Variants in EDA observed in about 807,000 individuals in gnomAD.
The protein encoded by EDA is ectodysplasin-A.
A neutral mutation model predicts 23.6 loss-of-function variants in EDA; 2 were observed. The observed-to-expected ratio is 0.08, with a 90% CI of 0.03 to 0.27. The LOEUF is 0.27. Among genes scored for constraint, EDA ranks in the 10% least tolerant of loss-of-function variants. EDA has a pLI of 1.00. For missense variants in EDA, 229 were observed against 324.2 expected (o/e 0.71, Z 2.26); for synonymous variants, 131 against 132.0 (o/e 0.99, Z 0.05).
chrX:69,628,941 C>G (rs138416200), intron 1 of EDA, among the ~76,000 whole-genome samples: 6,676 of 111,134 alleles, frequency 0.06, 204 homozygotes, highest in Middle Eastern at 0.097. Context: ...TTACCTCACT[C>G]CTACAGTGGT....
At chrX:69,862,159 C>T (rs781172626) in intron 1 of EDA, among the ~76,000 whole-genome samples, 3 of 111,095 alleles carry the variant, frequency 2.7e-5, no homozygotes, top group Non-Finnish European at 3.8e-5. Flanking sequence ...CAAAATGGCT[C>T]ACTCACATAG....
rs1192892833 is a variant in EDA at position 69,888,977 on chromosome X, GTTATATATATATAT to G, written c.397-68049_397-68036del. Among the ~76,000 whole-genome samples, 12 of 13,247 alleles carry G rather than the reference GTTATATATATATAT, an allele frequency of 9.1e-4. 1 individual carries two copies. The highest frequency in any genetic ancestry group is 3.3e-3 in the South Asian group (1 of 304). The allele number at this position is 13,247 out of a possible 115,157, so 11.5% of individuals were successfully genotyped here. On this transcript the variant is annotated intron_variant, in intron 1 of 7. Coordinates refer to ENST00000374552, the MANE Select transcript of EDA (RefSeq NM_001399.5). ...AGTGGAATTGTTGTATTGTGGGGTA[GTTATATATATATAT>G]ATATATATATATATATATATATATA...
chrX:69,942,289 C>A (rs947692037), intron 1 of EDA, among the ~76,000 whole-genome samples: 3 of 110,614 alleles, frequency 2.7e-5, no homozygotes, highest in Non-Finnish European at 3.8e-5. Context: ...CAGTGAGTTT[C>A]GTATGTGCAG....
rs775748092 is a variant in EDA at position 69,861,897 on chromosome X, A to T, written c.397-95130A>T. Among the ~76,000 whole-genome samples the T allele has an allele frequency of 4.5e-5, 5 of 112,176 alleles. No homozygotes were observed. The East Asian group carries it at 1.4e-3, about 31-fold the overall frequency. On this transcript the variant is annotated intron_variant, in intron 1 of 7. Coordinates refer to ENST00000374552, the MANE Select transcript of EDA (RefSeq NM_001399.5). ...AGGAGAAGAAACTTCAATTCATGAG[A>T]CAGTTTAATACATATTGAAGAGAAT... is the stretch of plus-strand genomic sequence containing the variant.
intron 1 of EDA, among the ~76,000 whole-genome samples, chrX:69,796,269 C>T (rs1020708714): frequency 5.8e-5 from 6 of 103,096 alleles, no homozygotes; most frequent in Non-Finnish European, 9.9e-5. Flanking sequence ...CATCTGGAGA[C>T]CCAAGAATTG....
At chrX:69,909,218 C>T (rs2018221970) in intron 1 of EDA, among the ~76,000 whole-genome samples, 1 of 111,808 alleles carries the variant, frequency 8.9e-6, no homozygotes, top group Admixed American at 9.5e-5. Context: ...ATTAGTAATA[C>T]ACCTGTAGTG....
At chrX:69,759,954 G>T (rs748450301) in intron 1 of EDA, among the ~76,000 whole-genome samples, 3 of 109,471 alleles carry the variant, frequency 2.7e-5, no homozygotes, top group Non-Finnish European at 5.7e-5. Flanking sequence ...GAAGAGGACT[G>T]AGAGAGAGGG....
chrX:69,628,284 A>G (rs1333875546), intron 1 of EDA, among the ~76,000 whole-genome samples: 1 of 111,724 alleles, frequency 9.0e-6, no homozygotes, highest in Non-Finnish European at 1.9e-5. Flanking sequence ...CACTTTTGCT[A>G]TGTAGTCTAA....
chrX:69,768,228 G>T (rs1052711593), intron 1 of EDA, among the ~76,000 whole-genome samples: 2 of 111,213 alleles, frequency 1.8e-5, no homozygotes, highest in Non-Finnish European at 3.8e-5. Context: ...TTCCCCTTTT[G>T]TAATTTCTGG....
At chrX:69,827,654 C>T (rs2016487590) in intron 1 of EDA, among the ~76,000 whole-genome samples, 1 of 111,615 alleles carries the variant, frequency 9.0e-6, no homozygotes, top group African/African-American at 3.3e-5. Flanking sequence ...AATTTCCTCC[C>T]GTAGCTTGGA....
At chrX:69,858,964 G>A (rs903059121) in intron 1 of EDA, among the ~76,000 whole-genome samples, 11 of 111,429 alleles carry the variant, frequency 9.9e-5, no homozygotes, top group African/African-American at 3.6e-4. Context: ...TCTTGGGAAG[G>A]TATGTGTGTC....
At chrX:69,754,766 C>CT (rs1426899445) in intron 1 of EDA, among the ~76,000 whole-genome samples, 4 of 111,434 alleles carry the variant, frequency 3.6e-5, no homozygotes, top group Non-Finnish European at 7.5e-5. Context: ...TCTTTTTACT[C>CT]TTTTTTCTCT....
At chrX:69,682,427 C>A (rs999466201) in intron 1 of EDA, among the ~76,000 whole-genome samples, 3 of 112,324 alleles carry the variant, frequency 2.7e-5, no homozygotes, top group African/African-American at 3.2e-5. Flanking sequence ...AGCCTCGCTG[C>A]CACCTTGCAG....
At chrX:69,956,990 G>C in intron 1 of EDA, 37 bp from the exon 2 acceptor site, 2 of 1,151,462 alleles carry the variant, frequency 1.7e-6, no homozygotes, top group Non-Finnish European at 2.4e-6. Context: ...GACTGAGTGG[G>C]GTCAACCTTT....
At chrX:69,889,345 T>C (rs1013353426) in intron 1 of EDA, among the ~76,000 whole-genome samples, 1 of 109,735 alleles carries the variant, frequency 9.1e-6, no homozygotes, top group Admixed American at 9.8e-5. Context: ...ATACAGGGTC[T>C]TACCATGTGG....
intron 2 of EDA, among the ~76,000 whole-genome samples, chrX:70,017,695 G>A (rs902338914): frequency 9.0e-6 from 1 of 111,568 alleles, no homozygotes; most frequent in Non-Finnish European, 1.9e-5. Flanking sequence ...TTGAAGGAAC[G>A]TACTTTAAAA....
chrX:69,975,502 G>T (rs1569390810), intron 2 of EDA, among the ~76,000 whole-genome samples: 1 of 110,581 alleles, frequency 9.0e-6, no homozygotes, highest in Non-Finnish European at 1.9e-5. Flanking sequence ...GGCAAGGGTT[G>T]AAAAACTACA....
In EDA at chrX:69,775,733, G is replaced by A. The variant is rs181272232; in HGVS notation, c.396+159029G>A. ...TTTAAATGAGATTAATTTAATGAACGCCAAAATTTGAAATAAAAAGTTATA... is the reference window on the plus strand; with the variant it reads ...TTTAAATGAGATTAATTTAATGAACACCAAAATTTGAAATAAAAAGTTATA... On this transcript the variant is annotated intron_variant, in intron 1 of 7. Transcript: ENST00000374552. 4.3e-4 allele frequency among the ~76,000 whole-genome samples: 48 copies of A among 111,699 alleles called. No homozygotes were observed. The East Asian group carries it at 0.01, about 24-fold the overall frequency.
chrX:69,637,425 T>C (rs1932790085), intron 1 of EDA, among the ~76,000 whole-genome samples: 2 of 111,819 alleles, frequency 1.8e-5, no homozygotes, highest in Admixed American at 9.5e-5. Context: ...GGGAAAGACC[T>C]GTATCAGATA....
Sources: allele counts gnomAD v4.1 joint callset (sites outside exome capture counted in the v4.1 genomes callset), GRCh38; gene constraint gnomAD v4.1.1; transcripts MANE v1.5; gene names NCBI Gene and HGNC (gene_info 2026-07-23, HGNC 2026-07-21).